Variants in MROH2B observed in about 807,000 individuals in gnomAD.
MROH2B encodes maestro heat-like repeat-containing protein family member 2B.
In MROH2B, 177 loss-of-function variants were observed where a neutral mutation model predicts 208.6. The observed-to-expected ratio is 0.85, with a 90% CI of 0.75 to 0.96. The LOEUF (loss-of-function observed/expected upper bound fraction) is 0.96. Ranked by LOEUF, MROH2B falls within the 40% of genes least tolerant of loss-of-function variation. The probability of loss-of-function intolerance (pLI) is 0.00; values close to 1 mark genes in which losing one functional copy is unlikely to be tolerated. For missense variants in MROH2B, 2,002 were observed against 1,878.7 expected (o/e 1.07, Z -1.21); for synonymous variants, 728 against 659.0 (o/e 1.10, Z -1.60).
intron 37 of MROH2B, among the ~76,000 whole-genome samples, chr5:41,001,858 T>G (rs1239385440): frequency 6.6e-6 from 1 of 152,136 alleles, no homozygotes; most frequent in African/African-American, 2.4e-5. Flanking sequence ...GGTTTTTTTA[T>G]TTTTAGACCC....
intron 24 of MROH2B, among the ~76,000 whole-genome samples, chr5:41,022,545 G>A (rs971184800): frequency 1.3e-5 from 2 of 152,190 alleles, no homozygotes; most frequent in East Asian, 3.9e-4. Context: ...TAAACAAAAC[G>A]ACCGAGAAGC....
In MROH2B at chr5:41,004,429, T is replaced by G; in HGVS notation, c.4111A>C (p.Lys1371Gln). The change falls in exon 37 of 42, where the codon AAA (lysine) becomes CAA (glutamine). Residue 1371 changes from lysine to glutamine, a missense_variant. Transcript: ENST00000399564. The stretch of plus-strand genomic sequence containing the variant: ...CGGTCTGTCAGCAGCTCCAGGATTT[T>G]TTTTAGAGCCTTCAAGCTTTCACAG... ...VVCESLKALK[K>Q]ILELLTDRDV... 1 of 1,614,040 alleles carries G rather than the reference T, an allele frequency of 6.2e-7. No homozygotes were observed. Among genetic ancestry groups the G allele is most frequent in the Non-Finnish European group, 8.5e-7 (1 of 1,179,888 alleles).
chr5:41,069,638 G>C, intron 2 of MROH2B, 53 bp downstream of exon 2: 2 of 1,369,116 alleles, frequency 1.5e-6, no homozygotes, highest in Non-Finnish European at 2.0e-6. Flanking sequence ...TATACGAAAT[G>C]TTGCAACAAG....
At chr5:41,026,657 G>T (rs576838042) in intron 24 of MROH2B, among the ~76,000 whole-genome samples, 1 of 152,264 alleles carries the variant, frequency 6.6e-6, no homozygotes, top group East Asian at 1.9e-4. Context: ...AGCTACCCAT[G>T]ACTTTCTTCA....
chr5:41,004,947 T>G, intron 35 of MROH2B, 27 bp from the exon 36 acceptor site: 1 of 1,610,738 alleles, frequency 6.2e-7, no homozygotes, highest in Non-Finnish European at 8.5e-7. Flanking sequence ...ACTCCTCCCG[T>G]TTAGTTAAGG....
At chr5:41,057,507 T>G (rs2150179490) in intron 7 of MROH2B, 147 bp from the exon 8 acceptor site, 2 of 571,676 alleles carry the variant, frequency 3.5e-6, no homozygotes, top group South Asian at 5.0e-5. Flanking sequence ...TCTGGCCCCT[T>G]CCACCCTGTT....
chr5:41,056,925 G>A (rs10045132), intron 9 of MROH2B, 184 bp downstream of exon 9: 16,282 of 655,430 alleles, frequency 0.025, 238 homozygotes, highest in Non-Finnish European at 0.026. Flanking sequence ...CATTCTTCCC[G>A]TCCTGCTCCT....
Position 41,007,341 on chromosome 5 carries a change from T to C in MROH2B, c.3722A>G (p.His1241Arg). Residue 1241 changes from histidine (H) to arginine (R), a missense_variant, in exon 34 of 42, where the codon CAC becomes CGC. Physicochemically the swap from His to Arg is conservative, Grantham distance 29 (BLOSUM62 0). Transcript: ENST00000399564. Reference sequence around the variant, plus strand: ...GGCCAGTGAACATACGCCTATGTGGTGGGTACTAGGACTGCTGAGTAGAGT... The same window carrying C: ...GGCCAGTGAACATACGCCTATGTGGCGGGTACTAGGACTGCTGAGTAGAGT... ...LWTLLSSPST[H>R]HIGVCSLARS... The C allele has an allele frequency of 1.3e-6, 2 of 1,484,450 alleles. No homozygotes were observed. Among genetic ancestry groups the C allele is most frequent in the South Asian group, 1.4e-5 (1 of 72,814 alleles). 92.0% of individuals were successfully genotyped at this position (1,484,450 alleles called of 1,614,324 possible). A position where few individuals can be genotyped will look rare whatever the true frequency, so the allele number is the denominator to read the frequency against.
At chr5:41,033,986 G>C in intron 21 of MROH2B, 122 bp from the exon 22 acceptor site, 1 of 1,282,718 alleles carries the variant, frequency 7.8e-7, no homozygotes, top group Non-Finnish European at 1.0e-6. Context: ...GTAGAGCCTT[G>C]CCAAGGGGGG....
At position 41,005,574 on chromosome 5, in the gene MROH2B, G is replaced by A. The variant is rs781754961; in HGVS notation, c.3821C>T (p.Ser1274Phe). Residue 1274 changes from serine to phenylalanine, a missense_variant, in exon 35 of 42, where the codon TCC becomes TTC. Coordinates refer to ENST00000399564, the MANE Select transcript of MROH2B (RefSeq NM_173489.5). The part of the protein sequence containing the change: ...MEQLLSSLTS[S>F]SENYRITGAA... ...GCCGGTTATCCGGTAGTTCTCCGAG[G>A]AGGAGGTAAGAGATGAGAGCAGCTG... The A allele has an allele frequency of 1.2e-6, 2 of 1,610,994 alleles. No homozygotes were observed. Among genetic ancestry groups the A allele is most frequent in the Non-Finnish European group, 1.7e-6 (2 of 1,178,748 alleles).
chr5:41,000,749 C>CA lies in MROH2B; in HGVS notation c.4278dup (p.Ala1427CysfsTer2), dbSNP rs548836249. On this transcript the variant is annotated frameshift_variant, in exon 38 of 42. Transcript: ENST00000399564. LOFTEE classifies it high-confidence loss of function. ...ATCAGGCTCTTTTTTATTTCTTCAGCAAAAAAAATCTTCCACCTTCTTCCT... is the reference window on the plus strand; with the variant it reads ...ATCAGGCTCTTTTTTATTTCTTCAGCAAAAAAAAATCTTCCACCTTCTTCCT... 6.4e-3 allele frequency: 10,357 copies of CA among 1,610,130 alleles called. 82 individuals are homozygous for CA. Among genetic ancestry groups the CA allele is most frequent in the South Asian group, 6.8e-3 (613 of 90,182 alleles).
Position 41,047,322 on chromosome 5 carries a change from G to A in MROH2B, c.1728+399C>T, listed in dbSNP as rs542391862. Among the ~76,000 whole-genome samples, 7 of 152,236 alleles carry A rather than the reference G, an allele frequency of 4.6e-5. No individual in the cohort carries two copies. The South Asian group carries it at 1.4e-3, about 32-fold the overall frequency. Reference sequence around the variant, plus strand: ...TTGGATATTAGGAAAAAGACATTAAGCCACAAATAGAAGAGGAAATACAGT... The same window carrying A: ...TTGGATATTAGGAAAAAGACATTAAACCACAAATAGAAGAGGAAATACAGT... On this transcript the variant is annotated intron_variant, in intron 17 of 41. Transcript: ENST00000399564.
chr5:41,055,612 G>A, intron 10 of MROH2B, 130 bp downstream of exon 10: 1 of 620,104 alleles, frequency 1.6e-6, no homozygotes, highest in Non-Finnish European at 2.8e-6. Flanking sequence ...AGATTAAGAA[G>A]ACAGAATTTC....
chr5:41,012,119 A>G (rs1371173689), intron 30 of MROH2B, among the ~76,000 whole-genome samples: 1 of 152,224 alleles, frequency 6.6e-6, no homozygotes, highest in Non-Finnish European at 1.5e-5. Flanking sequence ...GGGAAGAAGA[A>G]TTGAGGACTT....
chr5:41,013,142 G>A (rs1171810817), intron 29 of MROH2B, among the ~76,000 whole-genome samples: 1 of 152,140 alleles, frequency 6.6e-6, no homozygotes, highest in Non-Finnish European at 1.5e-5. Context: ...TAAACCTTGA[G>A]AATTCAGGAA....
At chr5:41,011,003 G>A (rs1434271450) in intron 30 of MROH2B, among the ~76,000 whole-genome samples, 2 of 152,134 alleles carry the variant, frequency 1.3e-5, no homozygotes, top group Non-Finnish European at 2.9e-5. Flanking sequence ...TAGGAGAATG[G>A]TCCAGGTTGG....
At chr5:41,045,885 A>G (rs773012254) in intron 17 of MROH2B, 32 bp from the exon 18 acceptor site, 1 of 1,510,606 alleles carries the variant, frequency 6.6e-7, no homozygotes, top group Non-Finnish European at 9.1e-7. Flanking sequence ...AGATGTGAAT[A>G]TGACCGTTTC....
rs546251031 is a variant in MROH2B at position 41,066,984 on chromosome 5, T to C, written c.201+124A>G. On this transcript the variant is annotated intron_variant, in intron 3 of 41. Coordinates refer to ENST00000399564, the MANE Select transcript of MROH2B (RefSeq NM_173489.5). ...TCAGGCATTATAACGATATCCAAGT[T>C]ACCACAAAGAACAAATACAAGTGAT... 6 of 669,600 alleles carry C rather than the reference T, an allele frequency of 9.0e-6. No individual in the cohort carries two copies. In the South Asian group the frequency reaches 9.9e-5, roughly 11 times the overall value. 41.5% of individuals were successfully genotyped at this position (669,600 alleles called of 1,614,324 possible).
intron 32 of MROH2B, among the ~76,000 whole-genome samples, chr5:41,009,007 T>C (rs1316385041): frequency 6.6e-5 from 10 of 152,160 alleles, no homozygotes; most frequent in African/African-American, 2.2e-4. Context: ...TTTTCAGCAT[T>C]GGGGTTTTTC....
Sources: allele counts gnomAD v4.1 joint callset (sites outside exome capture counted in the v4.1 genomes callset), GRCh38; gene constraint gnomAD v4.1.1; transcripts MANE v1.5; gene names NCBI Gene and HGNC (gene_info 2026-07-23, HGNC 2026-07-21).